The following RANBP2 variants were observed in gnomAD, a reference collection of about 807,000 sequenced individuals.
The protein encoded by RANBP2 is E3 SUMO-protein ligase RanBP2.
A neutral mutation model predicts 303.6 loss-of-function variants in RANBP2; 57 were observed. The ratio of observed to expected loss-of-function variants is 0.19; its 90% CI spans 0.15 to 0.23. The LOEUF is 0.23. Ranked by LOEUF, RANBP2 falls within the 10% of genes least tolerant of loss-of-function variation. The probability of loss-of-function intolerance (pLI) is 1.00; values close to 1 mark genes in which losing one functional copy is unlikely to be tolerated. For synonymous variants in RANBP2, 1,167 were observed against 1,301.5 expected, an observed-to-expected ratio of 0.90 and a Z score of 2.23; for missense variants, 3,138 against 3,780.8, an observed-to-expected ratio of 0.83 and a Z score of 4.46.
At chr2:109,271,624 C>T in the RANBP2 span, among the ~76,000 whole-genome samples, 39 of 152,336 alleles carry the variant, frequency 2.6e-4, no homozygotes, top group East Asian at 1.4e-3. Context: ...GGGTGAGGCC[C>T]CGTGTGGTTC....
At chr2:109,399,653 A>T in the RANBP2 span, among the ~76,000 whole-genome samples, 103 of 152,356 alleles carry the variant, frequency 6.8e-4, no homozygotes, top group African/African-American at 1.9e-3. Context: ...GATTAAAAAA[A>T]TTTTTAAATA....
At chr2:109,040,710 C>T in the RANBP2 span, among the ~76,000 whole-genome samples, 1 of 152,158 alleles carries the variant, frequency 6.6e-6, no homozygotes, top group Non-Finnish European at 1.5e-5. Flanking sequence ...GATGCTATGT[C>T]AAAACCTTTC....
the RANBP2 span, among the ~76,000 whole-genome samples, chr2:108,864,793 C>CAAA: frequency 4.0e-5 from 5 of 125,028 alleles, no homozygotes; most frequent in South Asian, 2.6e-4. Flanking sequence ...GACTCCATCT[C>CAAA]AAAAAAAAAA....
chr2:108,878,717 C>CTATCT, the RANBP2 span, among the ~76,000 whole-genome samples: 3 of 152,096 alleles, frequency 2.0e-5, no homozygotes, highest in African/African-American at 4.8e-5. Context: ...CTGGGTAAGT[C>CTATCT]TATCTTAGCC....
intron 21 of RANBP2, 124 bp downstream of exon 21, chr2:108,771,995 T>G: frequency 8.2e-7 from 1 of 1,214,876 alleles, no homozygotes; most frequent in Non-Finnish European, 1.2e-6. Flanking sequence ...AGGTAGATAT[T>G]TACCCTAAAT....
chr2:109,051,312 A>T, the RANBP2 span, among the ~76,000 whole-genome samples: 1 of 152,256 alleles, frequency 6.6e-6, no homozygotes, highest in East Asian at 1.9e-4. Flanking sequence ...CTCACAGCTC[A>T]TCCTGGCTTT....
At chr2:109,239,610 C>T in the RANBP2 span, among the ~76,000 whole-genome samples, 9 of 152,128 alleles carry the variant, frequency 5.9e-5, no homozygotes, top group African/African-American at 2.2e-4. Context: ...CAGAGCCAGG[C>T]GTGATCATCC....
At chr2:109,604,455 G>A in the RANBP2 span, among the ~76,000 whole-genome samples, 1 of 149,794 alleles carries the variant, frequency 6.7e-6, no homozygotes, top group Non-Finnish European at 1.5e-5. Context: ...GGCCGGGCGT[G>A]GTGGCTGAGG....
the RANBP2 span, among the ~76,000 whole-genome samples, chr2:109,249,509 C>CTT: frequency 2.0e-4 from 13 of 66,390 alleles, no homozygotes; most frequent in African/African-American, 6.2e-4. Flanking sequence ...TTCTTTCTTT[C>CTT]ATTCTTTCTT....
At chr2:109,000,079 G>A in the RANBP2 span, among the ~76,000 whole-genome samples, 2 of 152,218 alleles carry the variant, frequency 1.3e-5, no homozygotes, top group Non-Finnish European at 2.9e-5. Flanking sequence ...ATGCAGCAAC[G>A]TATCTGCAGG....
the RANBP2 span, among the ~76,000 whole-genome samples, chr2:109,071,899 T>G: frequency 6.6e-6 from 1 of 151,980 alleles, no homozygotes; most frequent in Non-Finnish European, 1.5e-5. Context: ...AAGGAGGAGA[T>G]GGCAGAGATG....
At chr2:109,035,216 T>C in the RANBP2 span, among the ~76,000 whole-genome samples, 6 of 152,200 alleles carry the variant, frequency 3.9e-5, no homozygotes, top group South Asian at 4.1e-4. Context: ...GTGATGGCCA[T>C]CTTATTTCTT....
the RANBP2 span, among the ~76,000 whole-genome samples, chr2:109,495,933 T>C: frequency 6.6e-6 from 1 of 152,166 alleles, no homozygotes; most frequent in Non-Finnish European, 1.5e-5. Flanking sequence ...TAATAATATA[T>C]GCTATTGTGT....
chr2:109,731,703 T>C, the RANBP2 span, among the ~76,000 whole-genome samples: 1 of 152,046 alleles, frequency 6.6e-6, no homozygotes, highest in Non-Finnish European at 1.5e-5. Context: ...ACCAGACTGG[T>C]CTTGAACTCC....
the RANBP2 span, chr2:109,568,011 G>T: frequency 1.3e-6 from 2 of 1,495,060 alleles, no homozygotes; most frequent in South Asian, 1.3e-5. Flanking sequence ...ATCTTACTGA[G>T]GATTTTTTTT....
the RANBP2 span, chr2:109,616,844 C>A: frequency 6.0e-6 from 1 of 167,100 alleles, no homozygotes; most frequent in South Asian, 2.1e-4. Context: ...CACTTAGCAG[C>A]CTATGATAGT....
the RANBP2 span, chr2:109,733,044 C>T: frequency 1.8e-6 from 1 of 565,260 alleles, no homozygotes; most frequent in African/African-American, 1.9e-5. Context: ...CGCAGACCTC[C>T]AAGAAGGAGA....
At chr2:109,435,221 C>T in the RANBP2 span, among the ~76,000 whole-genome samples, 1 of 152,220 alleles carries the variant, frequency 6.6e-6, no homozygotes, top group Non-Finnish European at 1.5e-5. Context: ...CCATGGGTCC[C>T]TCAGTCCAAT....
the RANBP2 span, among the ~76,000 whole-genome samples, chr2:109,569,345 C>T: frequency 2.6e-5 from 4 of 151,208 alleles, no homozygotes; most frequent in African/African-American, 9.7e-5. Flanking sequence ...GCAGAAGAAT[C>T]GCTTGAACCC....
Sources: allele counts gnomAD v4.1 joint callset (sites outside exome capture counted in the v4.1 genomes callset), GRCh38; gene constraint gnomAD v4.1.1; transcripts MANE v1.5; gene names NCBI Gene and HGNC (gene_info 2026-07-23, HGNC 2026-07-21).